The following ASXL2 variants were observed in gnomAD, a reference collection of about 807,000 sequenced individuals.
ASXL2 encodes putative Polycomb group protein ASXL2.
In ASXL2, 23 loss-of-function variants were observed where a neutral mutation model predicts 122.0. That is an observed-to-expected ratio of 0.19 (90% CI 0.14 to 0.27). ASXL2 has a LOEUF of 0.27. Ranked by LOEUF, ASXL2 falls within the 10% of genes least tolerant of loss-of-function variation. The pLI, the probability that ASXL2 is intolerant of heterozygous loss-of-function variation, is 1.00. For synonymous variants in ASXL2, 650 were observed against 637.0 expected, an observed-to-expected ratio of 1.02 and a Z score of -0.31; for missense variants, 1,518 against 1,713.8, an observed-to-expected ratio of 0.89 and a Z score of 2.02.
intron 5 of ASXL2, among the ~76,000 whole-genome samples, chr2:25,771,847 T>C (rs1458532337): frequency 6.6e-6 from 1 of 152,238 alleles, no homozygotes; most frequent in Non-Finnish European, 1.5e-5. Context: ...GGAAAGATTC[T>C]AGGGCCTTTA....
chr2:25,755,413 C>T (rs2088115003), intron 10 of ASXL2, among the ~76,000 whole-genome samples: 1 of 152,184 alleles, frequency 6.6e-6, no homozygotes, highest in African/African-American at 2.4e-5. Flanking sequence ...TCACTAGAAG[C>T]ATGGCACACA....
At chr2:25,805,158 G>T (rs544272982) in intron 4 of ASXL2, among the ~76,000 whole-genome samples, 6 of 152,270 alleles carry the variant, frequency 3.9e-5, no homozygotes, top group African/African-American at 1.4e-4. Flanking sequence ...GATACTATAT[G>T]GGCAACACTG....
intron 1 of ASXL2, among the ~76,000 whole-genome samples, chr2:25,857,471 T>C (rs1185481357): frequency 6.6e-6 from 1 of 152,168 alleles, no homozygotes; most frequent in Non-Finnish European, 1.5e-5. Context: ...CAAAGTAGCT[T>C]TGCATTCGTG....
intron 5 of ASXL2, among the ~76,000 whole-genome samples, chr2:25,788,299 G>T (rs2088779512): frequency 1.3e-5 from 2 of 152,178 alleles, no homozygotes; most frequent in Non-Finnish European, 2.9e-5. Flanking sequence ...TATACAGGAA[G>T]ACAGTTTCCT....
At chr2:25,755,681 C>T (rs1009912100) in intron 10 of ASXL2, among the ~76,000 whole-genome samples, 1 of 152,180 alleles carries the variant, frequency 6.6e-6, no homozygotes, top group African/African-American at 2.4e-5. Context: ...TAATTCTATA[C>T]TTTTATTAGG....
chr2:25,860,903 T>C (rs1026721910), intron 1 of ASXL2, among the ~76,000 whole-genome samples: 1 of 151,584 alleles, frequency 6.6e-6, no homozygotes, highest in East Asian at 1.9e-4. Context: ...TCCCAGCTAC[T>C]TGGGAGGCTG....
intron 5 of ASXL2, among the ~76,000 whole-genome samples, chr2:25,787,398 T>C (rs66878742): frequency 0.28 from 42,154 of 152,104 alleles, 6,147 homozygotes; most frequent in African/African-American, 0.32. Flanking sequence ...CCTGTGAGTC[T>C]TGGGGTAAGG....
chr2:25,850,516 GATTTT>G (rs1459079510), intron 1 of ASXL2, among the ~76,000 whole-genome samples: 1 of 152,166 alleles, frequency 6.6e-6, no homozygotes, highest in Non-Finnish European at 1.5e-5. Flanking sequence ...CTCAGATTCA[GATTTT>G]ATTTTAGCAA....
rs1470391370 is a variant in ASXL2 at position 25,743,459 on chromosome 2, T to G, written c.2878A>C (p.Lys960Gln). ...NPLVTQLLQGKDVPMEQILPK... is the reference protein window; with the variant it reads ...NPLVTQLLQGQDVPMEQILPK... ...AGAATTTGCTCCATGGGAACATCTT[T>G]GCCTTGAAGCAGCTGAGTCACTAAA... Residue 960 changes from lysine (K) to glutamine (Q), a missense_variant, in exon 13 of 13, where the codon AAA (lysine) becomes CAA (glutamine). Physicochemically the swap from Lys to Gln is moderately conservative, Grantham distance 53 (BLOSUM62 1). Coordinates refer to ENST00000435504, the MANE Select transcript of ASXL2 (RefSeq NM_018263.6). 9 of 1,613,690 alleles carry G rather than the reference T, an allele frequency of 5.6e-6. No individual in the cohort carries two copies. The highest frequency in any genetic ancestry group is 1.3e-5 in the African/African-American group (1 of 74,912).
chr2:25,850,354 A>G (rs1043712336), intron 1 of ASXL2, among the ~76,000 whole-genome samples: 1 of 152,238 alleles, frequency 6.6e-6, no homozygotes, highest in Non-Finnish European at 1.5e-5. Context: ...AGTATCTTTT[A>G]ATCTATGGGT....
chr2:25,840,701 A>G (rs1426298214), intron 2 of ASXL2, among the ~76,000 whole-genome samples: 2 of 152,220 alleles, frequency 1.3e-5, no homozygotes, highest in East Asian at 1.9e-4. Flanking sequence ...TCAGAATTTT[A>G]TATCTTCTTA....
At chr2:25,867,143 G>A (rs988731352) in intron 1 of ASXL2, among the ~76,000 whole-genome samples, 4 of 151,868 alleles carry the variant, frequency 2.6e-5, no homozygotes, top group Non-Finnish European at 4.4e-5. Flanking sequence ...CAGGTGATCC[G>A]CCCGCCTTGG....
intron 1 of ASXL2, chr2:25,856,587 T>C: frequency 8.3e-7 from 1 of 1,201,368 alleles, no homozygotes; most frequent in Non-Finnish European, 1.2e-6. Context: ...GGCGCCAGTC[T>C]TGATCTGTCC....
Position 25,771,546 on chromosome 2 carries a change from G to GA in ASXL2, c.404-7dup. 5 of 1,598,688 alleles carry GA rather than the reference G, an allele frequency of 3.1e-6. No individual in the cohort carries two copies. Among genetic ancestry groups the GA allele is most frequent in the East Asian group, 4.5e-5 (2 of 44,638 alleles). ...CTGCGGGGAGGACGACGATACTAGG[G>GA]AAAAAAAAGTGACAATAAAAGATTT... On this transcript the variant is annotated splice_region_variant and splice_polypyrimidine_tract_variant and intron_variant, in intron 5 of 12. Coordinates refer to ENST00000435504, the MANE Select transcript of ASXL2 (RefSeq NM_018263.6).
In ASXL2 at chr2:25,750,667, T is replaced by C. The variant is rs540102063; in HGVS notation, c.1143-254A>G. 4.6e-5 allele frequency among the ~76,000 whole-genome samples: 7 copies of C among 152,358 alleles called. No individual in the cohort carries two copies. In the East Asian group the frequency reaches 5.8e-4, roughly 13 times the overall value. On this transcript the variant is annotated intron_variant, in intron 11 of 12. Coordinates refer to ENST00000435504, the MANE Select transcript of ASXL2 (RefSeq NM_018263.6). ...GCCTTCTTTACTTCAGTTTCTTCAA[T>C]TGTACACTAGGTTTAATTACTTCAT...
At chr2:25,868,286 G>GT (rs1379899044) in intron 1 of ASXL2, among the ~76,000 whole-genome samples, 1 of 152,242 alleles carries the variant, frequency 6.6e-6, no homozygotes, top group Admixed American at 6.5e-5. Context: ...TCAAACATCA[G>GT]TGAGTTCAAG....
At position 25,749,505 on chromosome 2, in the gene ASXL2, G is replaced by A. The variant is rs577751212; in HGVS notation, c.1860+191C>T. On this transcript the variant is annotated intron_variant, in intron 12 of 12. Coordinates refer to ENST00000435504, the MANE Select transcript of ASXL2 (RefSeq NM_018263.6). ...CTTATGCAAACATCAGTAAAGACCT[G>A]TATGTAGGACTGCAGTTCTAAATGC... Among the ~76,000 whole-genome samples, 3 of 152,322 alleles carry A rather than the reference G, an allele frequency of 2.0e-5. No homozygotes were observed. In the East Asian group the frequency reaches 5.8e-4, roughly 29 times the overall value.
At position 25,744,179 on chromosome 2, in the gene ASXL2, C is replaced by T. The variant is rs1346978259; in HGVS notation, c.2158G>A (p.Val720Ile). 1.2e-6 allele frequency: 2 copies of T among 1,614,014 alleles called. No homozygotes were observed. Among genetic ancestry groups the T allele is most frequent in the Middle Eastern group, 1.6e-4 (1 of 6,062 alleles). Residue 720 changes from valine to isoleucine, a missense_variant, in exon 13 of 13, where the codon GTC (valine) becomes ATC (isoleucine). This residue lies in a region of ASXL2 where 831 missense variants were observed against 833.1 expected (regional missense o/e 1.00). Coordinates refer to ENST00000435504, the MANE Select transcript of ASXL2 (RefSeq NM_018263.6). The surrounding 1 kb of genome is among the most constrained non-coding windows in gnomAD (Gnocchi z 4.7). ...GTGGGGCCCTTTCCAGTTTCACTGA[C>T]TCTGTCTGAGCCTGGACTGCCTCCT... ...ARGGSPGSDR[V>I]SETGKGPTLE...
chr2:25,818,762 AT>A (rs2089271741), intron 3 of ASXL2, among the ~76,000 whole-genome samples: 1 of 152,190 alleles, frequency 6.6e-6, no homozygotes, highest in African/African-American at 2.4e-5. Flanking sequence ...GGCAACAGTG[AT>A]AGGAAGTTTC....
Sources: gnomAD v4.1 joint callset for allele counts (sites outside exome capture counted in the v4.1 genomes callset) on GRCh38, gnomAD v4.1.1 for gene constraint, gnomAD v4.1.1 regional missense constraint, Gnocchi (gnomAD v3.1) non-coding constraint, MANE v1.5 for transcripts, NCBI Gene and HGNC (gene_info 2026-07-23, HGNC 2026-07-21) for gene names.